Variants in CADPS observed in about 807,000 individuals in gnomAD.
The protein encoded by CADPS is calcium dependent secretion activator, also known as calcium-dependent secretion activator 1.
In CADPS, 57 loss-of-function variants were observed where a neutral mutation model predicts 167.3. The observed-to-expected ratio is 0.34, with a 90% CI of 0.28 to 0.42. The LOEUF (loss-of-function observed/expected upper bound fraction) is 0.42, where lower values mean the gene tolerates loss of function less well. Ranked by LOEUF, CADPS falls within the 20% of genes least tolerant of loss-of-function variation. CADPS has a pLI of 1.00. For missense variants in CADPS, 1,414 were observed against 1,738.1 expected (o/e 0.81, Z 3.32); for synonymous variants, 676 against 635.3 (o/e 1.06, Z -0.96).
intron 1 of CADPS, among the ~76,000 whole-genome samples, chr3:62,812,198 G>A (rs1258148400): frequency 6.6e-6 from 1 of 152,076 alleles, no homozygotes; most frequent in Non-Finnish European, 1.5e-5. Flanking sequence ...TATTTTTGGT[G>A]GTGGAAAGAC....
intron 1 of CADPS, among the ~76,000 whole-genome samples, chr3:62,832,801 G>C (rs569478468): frequency 4.6e-5 from 7 of 152,330 alleles, no homozygotes; most frequent in Non-Finnish European, 7.3e-5. Flanking sequence ...GCCAACTATT[G>C]CAACTGCTGA....
At chr3:62,424,217 T>G (rs1188461199) in intron 28 of CADPS, among the ~76,000 whole-genome samples, 1 of 152,058 alleles carries the variant, frequency 6.6e-6, no homozygotes, top group Non-Finnish European at 1.5e-5. Context: ...GGAGTCTCAC[T>G]CTGTCACCCA....
intron 6 of CADPS, among the ~76,000 whole-genome samples, chr3:62,637,900 G>T (rs1579340909): frequency 6.6e-6 from 1 of 151,948 alleles, no homozygotes; most frequent in Non-Finnish European, 1.5e-5. Flanking sequence ...TGATGACTGT[G>T]AAATACCTAG....
At chr3:62,774,789 G>A (rs143926832) in intron 1 of CADPS, among the ~76,000 whole-genome samples, 3,437 of 152,224 alleles carry the variant, frequency 0.023, 62 homozygotes, top group South Asian at 0.061. Context: ...TATATGAAGA[G>A]AATCTGGCCT....
At chr3:62,729,205 C>G (rs2077289730) in intron 3 of CADPS, among the ~76,000 whole-genome samples, 1 of 151,778 alleles carries the variant, frequency 6.6e-6, no homozygotes, top group Non-Finnish European at 1.5e-5. Context: ...TGATGCGGAG[C>G]CATTGCTCTC....
chr3:62,662,812 C>A (rs551790283), intron 3 of CADPS, among the ~76,000 whole-genome samples: 4 of 152,278 alleles, frequency 2.6e-5, no homozygotes, highest in African/African-American at 9.6e-5. Flanking sequence ...TGGCACGGGT[C>A]CAGCCGCTCT....
chr3:62,525,890 C>T (rs1203068083), intron 13 of CADPS, among the ~76,000 whole-genome samples: 1 of 152,038 alleles, frequency 6.6e-6, no homozygotes, highest in East Asian at 1.9e-4. Context: ...AGGGCACAGT[C>T]AATAGGGCAA....
intron 18 of CADPS, 128 bp downstream of exon 18, chr3:62,499,034 T>C (rs961157403): frequency 1.1e-5 from 6 of 564,310 alleles, no homozygotes; most frequent in Non-Finnish European, 1.9e-5. Context: ...TCCACTTTCA[T>C]TCCCTTTGCA....
At chr3:62,554,455 C>A (rs2077790390) in intron 10 of CADPS, among the ~76,000 whole-genome samples, 1 of 152,156 alleles carries the variant, frequency 6.6e-6, no homozygotes, top group Non-Finnish European at 1.5e-5. Context: ...TCTTAGCACA[C>A]AAAATCGCCA....
intron 13 of CADPS, among the ~76,000 whole-genome samples, chr3:62,519,472 CT>C (rs1292408516): frequency 6.6e-6 from 1 of 152,146 alleles, no homozygotes; most frequent in African/African-American, 2.4e-5. Context: ...AAAATTTCCT[CT>C]TCCCCACTTT....
intron 27 of CADPS, among the ~76,000 whole-genome samples, chr3:62,445,503 G>C (rs1349867771): frequency 6.6e-6 from 1 of 151,958 alleles, no homozygotes; most frequent in Non-Finnish European, 1.5e-5. Flanking sequence ...CAATGAAAAT[G>C]AAAGTGAAAG....
At chr3:62,756,890 G>A (rs1468859820) in intron 2 of CADPS, among the ~76,000 whole-genome samples, 2 of 152,110 alleles carry the variant, frequency 1.3e-5, no homozygotes, top group African/African-American at 2.4e-5. Context: ...GTCCAGGGAG[G>A]CATTGAGAAG....
At chr3:62,483,753 C>G (rs2062377387) in intron 21 of CADPS, among the ~76,000 whole-genome samples, 1 of 152,054 alleles carries the variant, frequency 6.6e-6, no homozygotes, top group Non-Finnish European at 1.5e-5. Context: ...TGAATTCAGT[C>G]CCTGGTGGCT....
At chr3:62,794,770 C>A (rs908904592) in intron 1 of CADPS, among the ~76,000 whole-genome samples, 1 of 89,314 alleles carries the variant, frequency 1.1e-5, no homozygotes, top group Non-Finnish European at 1.9e-5. Flanking sequence ...AAGACAGACG[C>A]AAGGTGGTAA....
chr3:62,645,990 A>T, intron 5 of CADPS, 147 bp from the exon 6 acceptor site: 1 of 810,872 alleles, frequency 1.2e-6, no homozygotes, highest in Non-Finnish European at 1.9e-6. Flanking sequence ...TGCTGGGACC[A>T]GTCTAGCACG....
intron 24 of CADPS, chr3:62,466,624 C>A: frequency 1.6e-6 from 1 of 610,024 alleles, no homozygotes; most frequent in South Asian, 1.7e-5. Flanking sequence ...GTTCATTGTT[C>A]CTTACTCAAG....
At chr3:62,418,931 C>G (rs2050750377) in intron 28 of CADPS, among the ~76,000 whole-genome samples, 1 of 151,980 alleles carries the variant, frequency 6.6e-6, no homozygotes, top group Non-Finnish European at 1.5e-5. Flanking sequence ...ATGGTCAAAC[C>G]CTGAATGAAA....
chr3:62,585,102 A>G (rs2084307089), intron 8 of CADPS, 83 bp downstream of exon 8: 1 of 1,292,106 alleles, frequency 7.7e-7, no homozygotes, highest in Non-Finnish European at 1.1e-6. Flanking sequence ...AGTTCTCTGA[A>G]GATCTTGTGT....
At chr3:62,833,648 A>G (rs2075458385) in intron 1 of CADPS, among the ~76,000 whole-genome samples, 1 of 152,072 alleles carries the variant, frequency 6.6e-6, no homozygotes, top group Non-Finnish European at 1.5e-5. Context: ...AAAGAACAAG[A>G]GTTTTCAAAC....
Sources: gnomAD v4.1 joint callset for allele counts (sites outside exome capture counted in the v4.1 genomes callset) on GRCh38, gnomAD v4.1.1 for gene constraint, MANE v1.5 for transcripts, NCBI Gene and HGNC (gene_info 2026-07-23, HGNC 2026-07-21) for gene names.